Variants in GRIA4 observed in about 807,000 individuals in gnomAD.
GRIA4 encodes the protein glutamate ionotropic receptor AMPA type subunit 4.
A neutral mutation model predicts 104.0 loss-of-function variants in GRIA4; 34 were observed. That is an observed-to-expected ratio of 0.33 (90% confidence interval 0.25 to 0.44). The LOEUF is 0.44. Ranked by LOEUF, GRIA4 falls within the 20% of genes least tolerant of loss-of-function variation. The pLI is 1.00. For missense variants in GRIA4, 750 were observed against 1,096.5 expected (o/e 0.68, Z 4.46); for synonymous variants, 386 against 381.9 (o/e 1.01, Z -0.13).
At chr11:105,679,885 G>C (rs899697489) in intron 3 of GRIA4, among the ~76,000 whole-genome samples, 2 of 152,066 alleles carry the variant, frequency 1.3e-5, no homozygotes, top group African/African-American at 4.8e-5. Context: ...TATTCCTGAA[G>C]GGTTTGGGCC....
At chr11:105,854,529 C>T (rs1944940794) in intron 4 of GRIA4, among the ~76,000 whole-genome samples, 1 of 152,050 alleles carries the variant, frequency 6.6e-6, no homozygotes, top group Non-Finnish European at 1.5e-5. Flanking sequence ...AAGTTCCATT[C>T]CTGAAGCTAT....
intron 11 of GRIA4, among the ~76,000 whole-genome samples, chr11:105,919,223 T>C (rs1358413542): frequency 6.6e-6 from 1 of 152,094 alleles, no homozygotes; most frequent in African/African-American, 2.4e-5. Context: ...CTGCCATGTA[T>C]AGAACTACAA....
chr11:105,979,880 G>A lies in GRIA4; in HGVS notation c.*141G>A, dbSNP rs1012378951. 3.5e-6 allele frequency: 2 copies of A among 572,606 alleles called. No individual in the cohort carries two copies. Among genetic ancestry groups the A allele is most frequent in the African/African-American group, 1.9e-5 (1 of 53,762 alleles). The allele number at this position is 572,606 out of a possible 1,614,324, so 35.5% of individuals were successfully genotyped here. On this transcript the variant is annotated 3_prime_UTR_variant, in exon 17 of 17. Coordinates refer to ENST00000282499, the MANE Select transcript of GRIA4 (RefSeq NM_000829.4). ...GGAAGTCCGTCCTAACGCGCTGGCC[G>A]GACATCAGCAGCAGCAACGTGTGCA...
intron 15 of GRIA4, 69 bp downstream of exon 15, chr11:105,972,097 T>C: frequency 1.1e-6 from 1 of 916,364 alleles, no homozygotes; most frequent in Non-Finnish European, 1.8e-6. Context: ...TTGTCAAAAG[T>C]ATATGGAAAC....
intron 3 of GRIA4, among the ~76,000 whole-genome samples, chr11:105,717,683 C>T (rs1290347878): frequency 6.6e-6 from 1 of 151,878 alleles, no homozygotes; most frequent in African/African-American, 2.4e-5. Flanking sequence ...TTTTTAAGTA[C>T]AGCCTTTGTT....
Position 105,651,447 on chromosome 11 carries a change from C to T in GRIA4, c.247+39013C>T, listed in dbSNP as rs367750307. 1.4e-4 allele frequency among the ~76,000 whole-genome samples: 22 copies of T among 152,026 alleles called. 1 individual carries two copies. The highest frequency in any genetic ancestry group is 4.6e-4 in the African/African-American group (19 of 41,416). ...TGAAGAAATGGAAGACATAGTAAGACGGACACGGGAATCTCTCTCCTCTCT... is the reference window on the plus strand; with the variant it reads ...TGAAGAAATGGAAGACATAGTAAGATGGACACGGGAATCTCTCTCCTCTCT... On this transcript the variant is annotated intron_variant, in intron 3 of 16. Coordinates refer to ENST00000282499, the MANE Select transcript of GRIA4 (RefSeq NM_000829.4).
chr11:105,673,759 G>T (rs1487028104), intron 3 of GRIA4, among the ~76,000 whole-genome samples: 1 of 151,624 alleles, frequency 6.6e-6, no homozygotes, highest in East Asian at 1.9e-4. Context: ...TAAAATTTGG[G>T]CATTGAATTA....
At chr11:105,903,058 G>C (rs889429472) in intron 7 of GRIA4, among the ~76,000 whole-genome samples, 1 of 151,992 alleles carries the variant, frequency 6.6e-6, no homozygotes, top group African/African-American at 2.4e-5. Context: ...TCTCAGAGGT[G>C]GGGGGAGCTC....
intron 3 of GRIA4, among the ~76,000 whole-genome samples, chr11:105,692,399 T>C (rs1230222973): frequency 6.6e-6 from 1 of 152,192 alleles, no homozygotes; most frequent in Non-Finnish European, 1.5e-5. Flanking sequence ...TTATATGAAC[T>C]GGGACATGTT....
chr11:105,881,960 G>A (rs551247998), intron 5 of GRIA4, among the ~76,000 whole-genome samples: 2 of 152,192 alleles, frequency 1.3e-5, no homozygotes, highest in Non-Finnish European at 2.9e-5. Context: ...TAAGTCTGTT[G>A]TTTGTTTGCA....
At chr11:105,811,889 T>C (rs1200873117) in intron 4 of GRIA4, among the ~76,000 whole-genome samples, 2 of 152,148 alleles carry the variant, frequency 1.3e-5, no homozygotes, top group Non-Finnish European at 2.9e-5. Context: ...TGGGCTCGAA[T>C]TCACAAAGAC....
intron 14 of GRIA4, among the ~76,000 whole-genome samples, chr11:105,964,149 A>G (rs1186278505): frequency 2.0e-5 from 3 of 152,164 alleles, no homozygotes; most frequent in Non-Finnish European, 2.9e-5. Context: ...CTACATTTCA[A>G]TCTGGTCCTT....
chr11:105,733,655 G>A (rs1418402961), intron 3 of GRIA4, among the ~76,000 whole-genome samples: 3 of 151,606 alleles, frequency 2.0e-5, no homozygotes, highest in Non-Finnish European at 2.9e-5. Context: ...ACGGGGTTTC[G>A]CTGTGTTGGT....
intron 3 of GRIA4, among the ~76,000 whole-genome samples, chr11:105,633,624 G>A (rs1383893899): frequency 6.6e-6 from 1 of 152,116 alleles, no homozygotes; most frequent in African/African-American, 2.4e-5. Context: ...TTTTATCAAA[G>A]AGTCTATAGA....
At chr11:105,934,951 C>T (rs1947989967) in intron 14 of GRIA4, among the ~76,000 whole-genome samples, 2 of 152,078 alleles carry the variant, frequency 1.3e-5, no homozygotes, top group African/African-American at 4.8e-5. Flanking sequence ...AAGGACTTAA[C>T]CAAGAACCTG....
chr11:105,787,244 A>G (rs1259392394), intron 4 of GRIA4, among the ~76,000 whole-genome samples: 1 of 152,142 alleles, frequency 6.6e-6, no homozygotes, highest in Non-Finnish European at 1.5e-5. Context: ...AAATTATTAT[A>G]TAAACCTTTA....
intron 3 of GRIA4, among the ~76,000 whole-genome samples, chr11:105,740,556 T>G (rs1939242845): frequency 6.6e-6 from 1 of 152,238 alleles, no homozygotes; most frequent in African/African-American, 2.4e-5. Flanking sequence ...ACGTGTATTC[T>G]CCTACATAAA....
chr11:105,662,687 G>A (rs1251334051), intron 3 of GRIA4, among the ~76,000 whole-genome samples: 1 of 151,836 alleles, frequency 6.6e-6, no homozygotes, highest in Non-Finnish European at 1.5e-5. Flanking sequence ...AAAATAATAT[G>A]TAACAAAGCA....
chr11:105,638,948 A>C (rs1386457508), intron 3 of GRIA4, among the ~76,000 whole-genome samples: 1 of 152,102 alleles, frequency 6.6e-6, no homozygotes, highest in African/African-American at 2.4e-5. Flanking sequence ...GCTATTTTCA[A>C]ATCAGTGTAG....
Sources: allele counts gnomAD v4.1 joint callset (sites outside exome capture counted in the v4.1 genomes callset), GRCh38; gene constraint gnomAD v4.1.1; transcripts MANE v1.5; gene names NCBI Gene and HGNC (gene_info 2026-07-23, HGNC 2026-07-21).